The following DAB1 variants were observed in gnomAD, a reference collection of about 807,000 sequenced individuals.
DAB1 encodes disabled homolog 1.
In DAB1, 15 loss-of-function variants were observed where a neutral mutation model predicts 64.6. That is an observed-to-expected ratio of 0.23 (90% confidence interval 0.16 to 0.36). The LOEUF (loss-of-function observed/expected upper bound fraction) is 0.36. DAB1 is among the 10% of genes least tolerant of loss of function. DAB1 has a pLI of 1.00. For missense variants in DAB1, 596 were observed against 706.7 expected, an observed-to-expected ratio of 0.84 and a Z score of 1.78; for synonymous variants, 235 against 251.9, an observed-to-expected ratio of 0.93 and a Z score of 0.64.
chr1:58,230,813 C>T (rs1659743257), intron 4 of DAB1, among the ~76,000 whole-genome samples: 1 of 152,180 alleles, frequency 6.6e-6, no homozygotes, highest in Non-Finnish European at 1.5e-5. Flanking sequence ...AATTGACAGA[C>T]ACTGTCTACT....
At chr1:58,397,949 C>T (rs1255460453) in intron 3 of DAB1, among the ~76,000 whole-genome samples, 1 of 152,190 alleles carries the variant, frequency 6.6e-6, no homozygotes, top group Non-Finnish European at 1.5e-5. Context: ...AGACCCTCAA[C>T]CAGTAGTCAG....
intron 5 of DAB1, among the ~76,000 whole-genome samples, chr1:57,970,254 T>A (rs1645766061): frequency 6.6e-6 from 1 of 152,008 alleles, no homozygotes; most frequent in Non-Finnish European, 1.5e-5. Flanking sequence ...AGTCAATAAA[T>A]CCTAAAAGGG....
chr1:57,879,310 C>T (rs1378730103), intron 1 of DAB1, among the ~76,000 whole-genome samples: 1 of 152,148 alleles, frequency 6.6e-6, no homozygotes, highest in Non-Finnish European at 1.5e-5. Flanking sequence ...CAAGTATGAT[C>T]TTCCTCTCTC....
At chr1:57,635,094 G>A (rs1224052371) in intron 7 of DAB1, among the ~76,000 whole-genome samples, 1 of 152,104 alleles carries the variant, frequency 6.6e-6, no homozygotes, top group Non-Finnish European at 1.5e-5. Flanking sequence ...AGCTAACGGA[G>A]GTGAGGACAG....
intron 4 of DAB1, among the ~76,000 whole-genome samples, chr1:58,286,326 A>T (rs754405077): frequency 2.6e-5 from 4 of 152,248 alleles, no homozygotes; most frequent in Admixed American, 6.5e-5. Context: ...GGATCTAATT[A>T]AACTAAAGAG....
rs150706473 is a variant in DAB1 at position 57,083,820 on chromosome 1, G to A, written c.307-11406C>T. On this transcript the variant is annotated intron_variant, in intron 4 of 14. Coordinates refer to ENST00000371236, the MANE Select transcript of DAB1 (RefSeq NM_001365792.1). ...TAAGGCATGATTTGGAGTAGACACA[G>A]GTCAGCATCTGAAACCCACATCTGA... Among the ~76,000 whole-genome samples, 63 of 152,300 alleles carry A rather than the reference G, an allele frequency of 4.1e-4. 2 individuals carry two copies. In the East Asian group the frequency reaches 8.9e-3, roughly 21 times the overall value.
chr1:58,244,393 A>G (rs1368227210), intron 4 of DAB1, among the ~76,000 whole-genome samples: 1 of 152,188 alleles, frequency 6.6e-6, no homozygotes, highest in Non-Finnish European at 1.5e-5. Context: ...CTCTACTTTT[A>G]AGCTGTGCCT....
At chr1:58,237,435 A>T (rs755244006) in intron 4 of DAB1, among the ~76,000 whole-genome samples, 10 of 152,186 alleles carry the variant, frequency 6.6e-5, no homozygotes, top group Non-Finnish European at 1.3e-4. Flanking sequence ...ACACAGCAGG[A>T]TGTGTGCTTC....
intron 9 of DAB1, among the ~76,000 whole-genome samples, chr1:57,053,206 GATCATTCCTTTCA>G (rs1437174528): frequency 2.0e-5 from 3 of 152,126 alleles, no homozygotes; most frequent in Non-Finnish European, 2.9e-5. Context: ...CGGGGGGTCT[GATCATTCCTTTCA>G]ATTTCGGAAT....
At chr1:57,337,845 TTTTCCC>T (rs1677206839) in intron 1 of DAB1, among the ~76,000 whole-genome samples, 1 of 151,626 alleles carries the variant, frequency 6.6e-6, no homozygotes, top group South Asian at 2.1e-4. Context: ...CTCCCTTTCC[TTTTCCC>T]TTTCCCTTTC....
intron 1 of DAB1, among the ~76,000 whole-genome samples, chr1:57,844,636 C>T (rs971528611): frequency 6.6e-6 from 1 of 152,192 alleles, no homozygotes; most frequent in African/African-American, 2.4e-5. Flanking sequence ...ACCTTCTCTG[C>T]CCTGCTCTAA....
At chr1:58,218,657 T>C (rs1658983717) in intron 4 of DAB1, among the ~76,000 whole-genome samples, 1 of 152,130 alleles carries the variant, frequency 6.6e-6, no homozygotes, top group South Asian at 2.1e-4. Context: ...CAGTGTATTG[T>C]CTGGTTAGGG....
At chr1:57,961,929 G>A (rs554321766) in intron 5 of DAB1, among the ~76,000 whole-genome samples, 6 of 151,340 alleles carry the variant, frequency 4.0e-5, no homozygotes, top group East Asian at 1.9e-4. Flanking sequence ...TTGAGATCAC[G>A]CCATTGCACT....
rs1460521441 is a variant in DAB1 at position 57,287,588 on chromosome 1, A to C, written c.67+3376T>G. 3.9e-5 allele frequency among the ~76,000 whole-genome samples: 6 copies of C among 152,198 alleles called. No homozygotes were observed. In the South Asian group the frequency reaches 1.2e-3, roughly 31 times the overall value. ...AAATCCAAGCATAGTTGGAGAAAGT[A>C]TTAGTAATAAAAGAGCATAACGACA... On this transcript the variant is annotated intron_variant, in intron 2 of 14. Transcript: ENST00000371236.
chr1:57,059,463 T>C (rs2100557932), intron 9 of DAB1, among the ~76,000 whole-genome samples: 2 of 152,282 alleles, frequency 1.3e-5, no homozygotes, highest in African/African-American at 4.8e-5. Context: ...CTGCTTAACA[T>C]ACACTAATTG....
chr1:58,053,087 A>G (rs967994291), intron 5 of DAB1, among the ~76,000 whole-genome samples: 3 of 152,192 alleles, frequency 2.0e-5, no homozygotes, highest in Non-Finnish European at 4.4e-5. Context: ...ACTCACTTCC[A>G]AAAAATGGCT....
intron 6 of DAB1, among the ~76,000 whole-genome samples, chr1:57,744,948 A>G (rs1454206975): frequency 6.6e-6 from 1 of 152,032 alleles, no homozygotes; most frequent in Non-Finnish European, 1.5e-5. Context: ...TTTTCACAGA[A>G]CCCTGTACAT....
intron 1 of DAB1, among the ~76,000 whole-genome samples, chr1:57,344,110 C>A (rs960180454): frequency 6.6e-5 from 10 of 152,206 alleles, no homozygotes; most frequent in Non-Finnish European, 1.2e-4. Context: ...AACTGAGGCT[C>A]AAGAAAGATA....
intron 1 of DAB1, among the ~76,000 whole-genome samples, chr1:57,364,866 T>TAG (rs1679843982): frequency 6.7e-6 from 1 of 148,450 alleles, no homozygotes; most frequent in Non-Finnish European, 1.5e-5. Flanking sequence ...TATATATATA[T>TAG]ATATAGAGAG....
Sources: gnomAD v4.1 joint callset for allele counts (sites outside exome capture counted in the v4.1 genomes callset) on GRCh38, gnomAD v4.1.1 for gene constraint, MANE v1.5 for transcripts, NCBI Gene and HGNC (gene_info 2026-07-23, HGNC 2026-07-21) for gene names.